ANKFY1: variants seen among roughly 807,000 people sequenced by gnomAD.
The protein encoded by ANKFY1 is ankyrin repeat and FYVE domain containing 1, also known as ankyrin repeat and FYVE domain-containing protein 1.
ANKFY1 carries 47 observed loss-of-function variants against 128.3 expected under a neutral mutation model. That is an observed-to-expected ratio of 0.37 (90% CI 0.29 to 0.47). The LOEUF (loss-of-function observed/expected upper bound fraction) is 0.47. ANKFY1 is among the 20% of genes least tolerant of loss of function. ANKFY1 has a pLI of 1.00. For synonymous variants in ANKFY1, 553 were observed against 601.6 expected, an observed-to-expected ratio of 0.92 and a Z score of 1.18; for missense variants, 1,222 against 1,510.6, an observed-to-expected ratio of 0.81 and a Z score of 3.17.
chr17:4,240,071 T>TC (rs910708941), intron 2 of ANKFY1, among the ~76,000 whole-genome samples: 1 of 150,934 alleles, frequency 6.6e-6, no homozygotes, highest in African/African-American at 2.4e-5. Context: ...TGCCTTTTTT[T>TC]TTTTTTTTTT....
chr17:4,200,508 C>T (rs1029128645), intron 7 of ANKFY1, among the ~76,000 whole-genome samples: 12 of 152,288 alleles, frequency 7.9e-5, no homozygotes, highest in South Asian at 4.1e-4. Context: ...CTGCAGATTC[C>T]GTCTCCATTT....
At chr17:4,258,786 G>C (rs867447909) in intron 1 of ANKFY1, among the ~76,000 whole-genome samples, 1 of 152,154 alleles carries the variant, frequency 6.6e-6, no homozygotes, top group African/African-American at 2.4e-5. Context: ...CATGTGGCTA[G>C]TGACTATTGT....
intron 6 of ANKFY1, among the ~76,000 whole-genome samples, chr17:4,207,517 C>T (rs1359367010): frequency 6.6e-6 from 1 of 152,162 alleles, no homozygotes; most frequent in African/African-American, 2.4e-5. Flanking sequence ...AGAAGCACAG[C>T]CTGCCGACAT....
chr17:4,183,281 GTTTCC>G (rs2059548458), intron 14 of ANKFY1, 112 bp downstream of exon 14: 27 of 1,266,340 alleles, frequency 2.1e-5, no homozygotes, highest in Non-Finnish European at 2.9e-5. Context: ...TAGAGCTACT[GTTTCC>G]TTTCCTCTAA....
At chr17:4,184,706 A>G in intron 12 of ANKFY1, 112 bp downstream of exon 12, 1 of 1,192,146 alleles carries the variant, frequency 8.4e-7, no homozygotes, top group Non-Finnish European at 1.2e-6. Context: ...TTTTGGGGGT[A>G]AGAAACTAGC....
intron 3 of ANKFY1, among the ~76,000 whole-genome samples, chr17:4,224,625 C>T (rs2060391376): frequency 6.6e-6 from 1 of 151,396 alleles, no homozygotes; most frequent in African/African-American, 2.4e-5. Flanking sequence ...TTTTTTAATA[C>T]TTATTAGAAG....
intron 4 of ANKFY1, among the ~76,000 whole-genome samples, chr17:4,213,563 TTTC>T (rs2060171982): frequency 6.6e-6 from 1 of 150,750 alleles, no homozygotes. Flanking sequence ...ATTATATTTA[TTTC>T]TTTTTTTTTT....
intron 10 of ANKFY1, among the ~76,000 whole-genome samples, chr17:4,190,866 G>A (rs777889311): frequency 6.6e-6 from 1 of 152,206 alleles, no homozygotes; most frequent in African/African-American, 2.4e-5. Flanking sequence ...GCCGGGCACG[G>A]TGGCTCATTG....
chr17:4,198,070 G>A (rs919096084), intron 7 of ANKFY1, among the ~76,000 whole-genome samples: 4 of 151,694 alleles, frequency 2.6e-5, no homozygotes, highest in East Asian at 1.9e-4. Context: ...TGGAGGTTGC[G>A]GTGAGCTGAG....
intron 1 of ANKFY1, 135 bp downstream of exon 1, chr17:4,263,797 G>C (rs1968556668): frequency 5.0e-6 from 8 of 1,602,114 alleles, no homozygotes; most frequent in South Asian, 4.4e-5. Context: ...GGAGAGGCTA[G>C]ACAGGAAGGC....
chr17:4,173,151 C>A (rs940736463), intron 21 of ANKFY1, among the ~76,000 whole-genome samples: 1 of 152,234 alleles, frequency 6.6e-6, no homozygotes, highest in East Asian at 1.9e-4. Flanking sequence ...CCACTGCGCC[C>A]GGCCAAACCT....
rs1244907807 is a variant in ANKFY1 at position 4,183,547 on chromosome 17, C to T, written c.1803G>A (p.Met601Ile). ...TVLGLALWTGMHTIAAQLLGS... is the reference protein window; with the variant it reads ...TVLGLALWTGIHTIAAQLLGS... Reference sequence around the variant, plus strand: ...CCAGCAGCTGGGCTGCGATCGTGTGCATGCCTGGGAAACAAGCCCCGATCT... The same window carrying T: ...CCAGCAGCTGGGCTGCGATCGTGTGTATGCCTGGGAAACAAGCCCCGATCT... The change falls in exon 14 of 25, where the codon ATG (methionine) becomes ATA (isoleucine). Residue 601 changes from methionine (M) to isoleucine (I), a missense_variant. Physicochemically the swap from Met to Ile is conservative, Grantham distance 10. Coordinates refer to ENST00000341657, the MANE Select transcript of ANKFY1 (RefSeq NM_001330063.2). 6.2e-7 allele frequency: 1 copy of T among 1,611,920 alleles called. No homozygotes were observed. Among genetic ancestry groups the T allele is most frequent in the East Asian group, 2.2e-5 (1 of 44,898 alleles).
intron 6 of ANKFY1, among the ~76,000 whole-genome samples, chr17:4,207,723 G>T (rs1469161928): frequency 6.6e-6 from 1 of 152,134 alleles, no homozygotes; most frequent in Non-Finnish European, 1.5e-5. Context: ...CATTTAAGAG[G>T]TTTTTAAATT....
Position 4,167,764 on chromosome 17 carries a change from C to T in ANKFY1, c.*15G>A. On this transcript the variant is annotated 3_prime_UTR_variant, in exon 25 of 25. Coordinates refer to ENST00000341657, the MANE Select transcript of ANKFY1 (RefSeq NM_001330063.2). This position sits in a 1 kb window ranked among gnomAD's most constrained non-coding sequence, Gnocchi z 4.1. ...AGGTGACCAAGGACGTGGCCTGGAC[C>T]CTCCGGGGGGCTCACTAAGAAACCC... is the stretch of plus-strand genomic sequence containing the variant. 6.2e-7 allele frequency: 1 copy of T among 1,609,550 alleles called. No individual in the cohort carries two copies. The highest frequency in any genetic ancestry group is 1.3e-5 in the African/African-American group (1 of 74,894).
chr17:4,235,745 T>A (rs753314831), intron 3 of ANKFY1, 27 bp downstream of exon 3: 1 of 1,545,936 alleles, frequency 6.5e-7, no homozygotes, highest in South Asian at 1.1e-5. Context: ...CTAGCAGTTT[T>A]GTGTCCCTGA....
At chr17:4,238,471 G>GT (rs902493825) in intron 2 of ANKFY1, among the ~76,000 whole-genome samples, 180 of 144,668 alleles carry the variant, frequency 1.2e-3, no homozygotes, top group Non-Finnish European at 1.3e-3. Flanking sequence ...TAAACAGCAG[G>GT]TTTTTTTTTT....
intron 4 of ANKFY1, among the ~76,000 whole-genome samples, chr17:4,210,847 C>A (rs2060116496): frequency 6.6e-6 from 1 of 150,384 alleles, no homozygotes; most frequent in Non-Finnish European, 1.5e-5. Context: ...GCCTTACCAA[C>A]AAGGTGAAAC....
At chr17:4,263,851 C>G in intron 1 of ANKFY1, 81 bp downstream of exon 1, 2 of 1,612,520 alleles carry the variant, frequency 1.2e-6, no homozygotes, top group Non-Finnish European at 1.7e-6. Flanking sequence ...CCCGGCCTTC[C>G]CCTCCCACGG....
chr17:4,180,244 G>A (rs548058279), intron 16 of ANKFY1: 20 of 179,142 alleles, frequency 1.1e-4, no homozygotes, highest in Admixed American at 3.6e-4. Context: ...CCTGGCCAAC[G>A]TGACGAAACC....
Sources: gnomAD v4.1 joint callset for allele counts (sites outside exome capture counted in the v4.1 genomes callset) on GRCh38, gnomAD v4.1.1 for gene constraint, Gnocchi (gnomAD v3.1) non-coding constraint, MANE v1.5 for transcripts, NCBI Gene and HGNC (gene_info 2026-07-23, HGNC 2026-07-21) for gene names.